The following BTRC variants were observed in gnomAD, a reference collection of about 807,000 sequenced individuals.
The protein encoded by BTRC is F-box/WD repeat-containing protein 1A.
In BTRC, 42 loss-of-function variants were observed where a neutral mutation model predicts 85.5. The ratio of observed to expected loss-of-function variants is 0.49; its 90% CI spans 0.38 to 0.64. The LOEUF (loss-of-function observed/expected upper bound fraction) is 0.64. Among genes scored for constraint, BTRC ranks in the 30% least tolerant of loss-of-function variants. The pLI is 0.00. For missense variants in BTRC, 594 were observed against 743.5 expected (o/e 0.80, Z 2.34); for synonymous variants, 255 against 263.3 (o/e 0.97, Z 0.30).
At chr10:101,446,787 T>C (rs960313174) in intron 2 of BTRC, among the ~76,000 whole-genome samples, 1 of 152,118 alleles carries the variant, frequency 6.6e-6, no homozygotes, top group African/African-American at 2.4e-5. Context: ...TGAGCAAAAC[T>C]TTAAAAAAAA....
chr10:101,399,954 C>T (rs1288209468), intron 1 of BTRC, among the ~76,000 whole-genome samples: 1 of 152,092 alleles, frequency 6.6e-6, no homozygotes, highest in Non-Finnish European at 1.5e-5. Context: ...TACTAATGTC[C>T]TGAGAGAAAG....
chr10:101,435,976 T>G (rs1944518219), intron 2 of BTRC, among the ~76,000 whole-genome samples: 1 of 152,176 alleles, frequency 6.6e-6, no homozygotes. Flanking sequence ...CTGAATTTGT[T>G]GGATTATTCC....
chr10:101,535,859 T>C (rs2062377591), intron 11 of BTRC, among the ~76,000 whole-genome samples: 1 of 152,166 alleles, frequency 6.6e-6, no homozygotes, highest in Admixed American at 6.5e-5. Flanking sequence ...TGGAAGTCCT[T>C]TTTGGGGTTT....
chr10:101,388,004 T>C (rs1237133146), intron 1 of BTRC, among the ~76,000 whole-genome samples: 6 of 152,120 alleles, frequency 3.9e-5, no homozygotes, highest in Admixed American at 1.3e-4. Context: ...GAAATTTTTA[T>C]AGATAGCTTG....
chr10:101,369,057 C>T (rs147423309), intron 1 of BTRC, among the ~76,000 whole-genome samples: 171 of 152,160 alleles, frequency 1.1e-3, no homozygotes, highest in African/African-American at 3.9e-3. Flanking sequence ...TTCGTTGTTG[C>T]CACTGTAGTG....
chr10:101,410,557 T>C (rs1404310302), intron 1 of BTRC, among the ~76,000 whole-genome samples: 1 of 152,006 alleles, frequency 6.6e-6, no homozygotes, highest in South Asian at 2.1e-4. Flanking sequence ...GAGATTGCAG[T>C]GAGCCGAGAT....
chr10:101,493,717 C>T (rs1946192071), intron 4 of BTRC, among the ~76,000 whole-genome samples: 1 of 152,136 alleles, frequency 6.6e-6, no homozygotes, highest in Non-Finnish European at 1.5e-5. Flanking sequence ...TAGTATTTTC[C>T]TTTCTAGCAT....
intron 13 of BTRC, among the ~76,000 whole-genome samples, chr10:101,541,569 T>C (rs1445691146): frequency 6.6e-6 from 1 of 152,132 alleles, no homozygotes; most frequent in Non-Finnish European, 1.5e-5. Context: ...CTAGGGTTTT[T>C]CATAGTGACC....
intron 13 of BTRC, among the ~76,000 whole-genome samples, chr10:101,544,932 G>A (rs529880401): frequency 3.9e-4 from 60 of 151,968 alleles, no homozygotes; most frequent in African/African-American, 1.4e-3. Context: ...CACGTGCCCA[G>A]TGCAACAACT....
chr10:101,468,444 C>G (rs1359311614), intron 3 of BTRC, among the ~76,000 whole-genome samples: 1 of 151,410 alleles, frequency 6.6e-6, no homozygotes, highest in Non-Finnish European at 1.5e-5. Context: ...TGCATGAGCC[C>G]TAAAAAAAAA....
At chr10:101,455,983 A>AACACACACACACACACACAC (rs745628596) in intron 2 of BTRC, among the ~76,000 whole-genome samples, 6,313 of 95,916 alleles carry the variant, frequency 0.066, 452 homozygotes, top group African/African-American at 0.088. Flanking sequence ...CTCTACTAAA[A>AACACACACACACACACACAC]ACACACACAC....
chr10:101,394,839 G>C (rs1943323561), intron 1 of BTRC, among the ~76,000 whole-genome samples: 1 of 152,100 alleles, frequency 6.6e-6, no homozygotes, highest in African/African-American at 2.4e-5. Flanking sequence ...CAAAAGCACA[G>C]ATTTCTTACA....
chr10:101,503,406 A>G (rs182394833), intron 4 of BTRC, among the ~76,000 whole-genome samples: 6 of 152,334 alleles, frequency 3.9e-5, no homozygotes, highest in African/African-American at 1.4e-4. Flanking sequence ...TAATAACTGC[A>G]TTTTGAAATC....
rs11356520 is a variant in BTRC, at chr10:101,410,996, CTT to C, written c.49-19331_49-19330del. Among the ~76,000 whole-genome samples the C allele has an allele frequency of 8.5e-4, 104 of 122,424 alleles. 1 individual carries two copies. Among genetic ancestry groups the C allele is most frequent in the African/African-American group, 2.1e-3 (65 of 30,394 alleles). The allele number at this position is 122,424 out of a possible 152,430, so 80.3% of individuals were successfully genotyped here. A position where few individuals can be genotyped will look rare whatever the true frequency, so the allele number is the denominator to read the frequency against. On this transcript the variant is annotated intron_variant, in intron 1 of 14. Transcript: ENST00000370187. ...AATATTGACATTTGTATTTCTGGCA[CTT>C]TTTTTTTTTTTTTTTTTGAGACAGT...
At chr10:101,468,871 CCTT>C (rs1172256273) in intron 3 of BTRC, among the ~76,000 whole-genome samples, 1 of 152,182 alleles carries the variant, frequency 6.6e-6, no homozygotes, top group Non-Finnish European at 1.5e-5. Flanking sequence ...GACAACTAAA[CCTT>C]CTATTGATTA....
chr10:101,496,477 G>A (rs1564807480), intron 4 of BTRC, among the ~76,000 whole-genome samples: 1 of 152,118 alleles, frequency 6.6e-6, no homozygotes, highest in Non-Finnish European at 1.5e-5. Context: ...GTGCATCAGC[G>A]CAATCATAGC....
At chr10:101,443,075 G>C (rs1190746690) in intron 2 of BTRC, among the ~76,000 whole-genome samples, 1 of 151,660 alleles carries the variant, frequency 6.6e-6, no homozygotes, top group Non-Finnish European at 1.5e-5. Flanking sequence ...GTAGAGACGG[G>C]GTTTCACCAT....
chr10:101,429,810 G>T (rs111823729), intron 1 of BTRC, among the ~76,000 whole-genome samples: 1 of 149,006 alleles, frequency 6.7e-6, no homozygotes, highest in African/African-American at 2.5e-5. Context: ...TACGCAAACT[G>T]TGCAGAGTTT....
chr10:101,522,377 C>CA (rs377683037), intron 5 of BTRC, among the ~76,000 whole-genome samples: 2,771 of 49,278 alleles, frequency 0.056, 155 homozygotes, highest in Middle Eastern at 0.23. Context: ...CAAAAAAAAA[C>CA]AAAAAAAAAA....
Sources: allele counts gnomAD v4.1 joint callset (sites outside exome capture counted in the v4.1 genomes callset), GRCh38; gene constraint gnomAD v4.1.1; transcripts MANE v1.5; gene names NCBI Gene and HGNC (gene_info 2026-07-23, HGNC 2026-07-21).